Variants in MKLN1 observed in about 807,000 individuals in gnomAD.
MKLN1 encodes the protein muskelin 1.
In MKLN1, 18 loss-of-function variants were observed where a neutral mutation model predicts 99.0. The observed-to-expected ratio is 0.18, with a 90% CI of 0.13 to 0.27. The LOEUF (loss-of-function observed/expected upper bound fraction) is 0.27. MKLN1 is among the 10% of genes least tolerant of loss of function. The pLI is 1.00. For synonymous variants in MKLN1, 288 were observed against 293.2 expected, an observed-to-expected ratio of 0.98 and a Z score of 0.18; for missense variants, 621 against 875.9, an observed-to-expected ratio of 0.71 and a Z score of 3.67.
intron 6 of MKLN1, among the ~76,000 whole-genome samples, chr7:131,410,113 C>T (rs1185378939): frequency 1.3e-5 from 2 of 152,004 alleles, no homozygotes; most frequent in East Asian, 3.9e-4. Flanking sequence ...GGGAGTAGGG[C>T]TTCATAATTA....
Position 131,344,154 on chromosome 7 carries a change from TGGGTTGTAGTA to T in MKLN1, c.98+16158_98+16168del, listed in dbSNP as rs576746542. 7.3e-3 allele frequency among the ~76,000 whole-genome samples: 1,107 copies of T among 152,064 alleles called. 8 individuals carry two copies. The highest frequency in any genetic ancestry group is 0.011 in the Non-Finnish European group (773 of 68,016). ...TACCAAAATATTAAGTGATTATCTC[TGGGTTGTAGTA>T]ATTGGGGTGATTTTTATTTTTTAAG... is the stretch of plus-strand genomic sequence containing the variant. On this transcript the variant is annotated intron_variant, in intron 1 of 17. Transcript: ENST00000352689.
chr7:131,322,900 CGT>C (rs935326056), upstream of MKLN1, among the ~76,000 whole-genome samples: 75 of 152,294 alleles, frequency 4.9e-4, no homozygotes, highest in African/African-American at 1.7e-3. Flanking sequence ...CATCACATCT[CGT>C]AAGAACTCCC....
intron 2 of MKLN1, among the ~76,000 whole-genome samples, chr7:131,161,732 T>C (rs1021962302): frequency 5.3e-5 from 8 of 151,590 alleles, no homozygotes; most frequent in African/African-American, 1.9e-4. Flanking sequence ...TTTGTATTTT[T>C]AGTAGGGACG....
intron 1 of MKLN1, among the ~76,000 whole-genome samples, chr7:131,357,106 C>T (rs1799907620): frequency 6.6e-6 from 1 of 152,182 alleles, no homozygotes; most frequent in Non-Finnish European, 1.5e-5. Flanking sequence ...ATTTATAGTT[C>T]ATTACTAACT....
intron 8 of MKLN1, among the ~76,000 whole-genome samples, chr7:131,417,223 T>C (rs1795045993): frequency 6.6e-6 from 1 of 152,168 alleles, no homozygotes; most frequent in Non-Finnish European, 1.5e-5. Flanking sequence ...GACACTAGTT[T>C]ATAGAAAGCT....
intron 1 of MKLN1, among the ~76,000 whole-genome samples, chr7:131,361,668 C>T (rs1189116120): frequency 6.6e-6 from 1 of 150,514 alleles, no homozygotes; most frequent in African/African-American, 2.4e-5. Context: ...TAACTAAGAA[C>T]TTTTTCTAAC....
rs553040403 is a variant in MKLN1 at position 131,442,440 on chromosome 7, G to A, written c.1174-1041G>A. ...CATATGCTGGTAATCCCAGCTACCC[G>A]GGAGGCTGAGGCAGGAGAATTGCTT... On this transcript the variant is annotated intron_variant, in intron 10 of 17. Transcript: ENST00000352689. 3.1e-3 allele frequency among the ~76,000 whole-genome samples: 472 copies of A among 152,198 alleles called. 1 individual carries two copies. The highest frequency in any genetic ancestry group is 3.7e-3 in the Non-Finnish European group (254 of 68,000).
At chr7:131,139,857 T>A (rs138343063) in intron 1 of MKLN1, among the ~76,000 whole-genome samples, 1 of 152,200 alleles carries the variant, frequency 6.6e-6, no homozygotes, top group East Asian at 1.9e-4. Flanking sequence ...CCAAGACCAG[T>A]ACTGGTTTTT....
chr7:131,378,698 C>T (rs1158555983), intron 2 of MKLN1, among the ~76,000 whole-genome samples: 1 of 151,908 alleles, frequency 6.6e-6, no homozygotes, highest in Non-Finnish European at 1.5e-5. Context: ...GGCATGGTAG[C>T]GTGTGCCTGT....
chr7:131,160,245 C>T (rs1277414432), intron 2 of MKLN1, among the ~76,000 whole-genome samples: 2 of 152,034 alleles, frequency 1.3e-5, no homozygotes, highest in Admixed American at 1.3e-4. Flanking sequence ...TGTATCAGTC[C>T]TTCATTCCTT....
rs1796271421 is a variant in MKLN1, at chr7:131,174,960, TAGATA to T, written c.-296-27896_-296-27892del. Among the ~76,000 whole-genome samples, 9 of 16,542 alleles carry T rather than the reference TAGATA, an allele frequency of 5.4e-4. 2 individuals are homozygous for T. In the South Asian group the frequency reaches 0.011, roughly 20 times the overall value. 10.9% of individuals were successfully genotyped at this position (16,542 alleles called of 152,430 possible). A position where few individuals can be genotyped will look rare whatever the true frequency, so the allele number is the denominator to read the frequency against. ...TCCCTGATAACTGGTAGATGATAGATAGATAGATAGATAGATAGATAGATAGATAG... is the reference window on the plus strand; with the variant it reads ...TCCCTGATAACTGGTAGATGATAGATGATAGATAGATAGATAGATAGATAG... On this transcript the variant is annotated intron_variant, in intron 2 of 7. Transcript: ENST00000416992.
At chr7:131,334,274 G>T (rs113750390) in intron 1 of MKLN1, among the ~76,000 whole-genome samples, 1 of 152,128 alleles carries the variant, frequency 6.6e-6, no homozygotes, top group Admixed American at 6.5e-5. Context: ...CCAGGAGACC[G>T]GATACTATTA....
intron 3 of MKLN1, among the ~76,000 whole-genome samples, chr7:131,240,228 C>G (rs1301337405): frequency 6.6e-6 from 1 of 152,036 alleles, no homozygotes; most frequent in Non-Finnish European, 1.5e-5. Context: ...AAAGTTCCCC[C>G]CCGCCAGGGA....
At chr7:131,158,877 G>A (rs565858182) in intron 2 of MKLN1, among the ~76,000 whole-genome samples, 1 of 152,298 alleles carries the variant, frequency 6.6e-6, no homozygotes, top group Admixed American at 6.5e-5. Flanking sequence ...TGTTTGGGGT[G>A]CTTGGAATCT....
chr7:131,288,836 C>T (rs190407736), intron 3 of MKLN1, among the ~76,000 whole-genome samples: 2 of 152,282 alleles, frequency 1.3e-5, no homozygotes, highest in East Asian at 3.9e-4. Flanking sequence ...AGCTTTCTTC[C>T]TTCTCTCTGT....
At chr7:131,303,385 G>T (rs1379777524) in intron 3 of MKLN1, among the ~76,000 whole-genome samples, 4 of 152,226 alleles carry the variant, frequency 2.6e-5, no homozygotes, top group Non-Finnish European at 5.9e-5. Context: ...AGGGCCCATT[G>T]GGGCAGGACT....
At chr7:131,297,079 G>A (rs190516764) in intron 3 of MKLN1, among the ~76,000 whole-genome samples, 175 of 152,224 alleles carry the variant, frequency 1.1e-3, no homozygotes, top group African/African-American at 4.0e-3. Flanking sequence ...CAGGCTGGGC[G>A]TGGTGGCTCA....
intron 16 of MKLN1, among the ~76,000 whole-genome samples, chr7:131,474,585 A>G (rs540595577): frequency 2.0e-5 from 3 of 152,356 alleles, no homozygotes; most frequent in East Asian, 1.9e-4. Context: ...TGTAGAGCCA[A>G]TACAATTTAT....
rs1214977686 is a variant in MKLN1, at chr7:131,494,011, C to G, written c.*6283C>G. On this transcript the variant is annotated 3_prime_UTR_variant, in exon 18 of 18. Coordinates refer to ENST00000352689, the MANE Select transcript of MKLN1 (RefSeq NM_013255.5). ...CCGTTGTTAACAAATCTCAAGAAAG[C>G]CTTTGTTACAGTTTAGCTCATGTCA... The G allele has an allele frequency of 6.6e-6, 1 of 152,166 alleles. No individual in the cohort carries two copies. The highest frequency in any genetic ancestry group is 6.5e-5 in the Admixed American group (1 of 15,276). The allele number at this position is 152,166 out of a possible 1,614,324, so 9.4% of individuals were successfully genotyped here.
Sources: gnomAD v4.1 joint callset for allele counts (sites outside exome capture counted in the v4.1 genomes callset) on GRCh38, gnomAD v4.1.1 for gene constraint, MANE v1.5 for transcripts, NCBI Gene and HGNC (gene_info 2026-07-23, HGNC 2026-07-21) for gene names.